FANCL: variants seen among roughly 807,000 people sequenced by gnomAD.
FANCL encodes the protein E3 ubiquitin-protein ligase FANCL.
FANCL carries 69 observed loss-of-function variants against 59.4 expected under a neutral mutation model. That is an observed-to-expected ratio of 1.16 (90% CI 0.96 to 1.42). The LOEUF is 1.42. Ranked by LOEUF, FANCL falls within the 40% of genes most tolerant of loss-of-function variation. The pLI, the probability that FANCL is intolerant of heterozygous loss-of-function variation, is 0.00. For missense variants in FANCL, 519 were observed against 447.2 expected (o/e 1.16, Z -1.45); for synonymous variants, 180 against 147.1 (o/e 1.22, Z -1.62).
intron 7 of FANCL, among the ~76,000 whole-genome samples, chr2:58,197,788 G>A (rs1689574066): frequency 6.6e-6 from 1 of 152,060 alleles, no homozygotes; most frequent in Non-Finnish European, 1.5e-5. Flanking sequence ...AATAAAAATG[G>A]AGTAGAAATG....
At chr2:58,164,053 A>G (rs1445548965) in intron 8 of FANCL, among the ~76,000 whole-genome samples, 2 of 152,040 alleles carry the variant, frequency 1.3e-5, no homozygotes. Flanking sequence ...TAATTTAACA[A>G]AAGATTTCAT....
intron 5 of FANCL, among the ~76,000 whole-genome samples, chr2:58,208,414 A>G (rs1043322127): frequency 5.1e-4 from 77 of 152,310 alleles, no homozygotes; most frequent in African/African-American, 1.9e-3. Flanking sequence ...TTTTTTAAAC[A>G]TTTAAAATGT....
At chr2:58,202,042 T>A (rs766620360) in intron 6 of FANCL, among the ~76,000 whole-genome samples, 83 of 151,840 alleles carry the variant, frequency 5.5e-4, no homozygotes, top group Admixed American at 2.8e-3. Flanking sequence ...AACATACAGT[T>A]AACGTTTCAA....
Position 58,161,596 on chromosome 2 carries a change from C to A in FANCL, c.946G>T (p.Asp316Tyr). Residue 316 changes from aspartate to tyrosine, a missense_variant, in exon 12 of 14, where the codon GAC becomes TAC. Asp to Tyr is a radical substitution (Grantham distance 160). Coordinates refer to ENST00000233741, the MANE Select transcript of FANCL (RefSeq NM_018062.4). ...CACACTTGATCAGGAATGGTACCGT[C>A]AAGTTGATAAGCATAACAAATTCCA... The part of the protein sequence containing the change: ...DCGICYAYQL[D>Y]GTIPDQVCDN... 1 of 1,611,572 alleles carries A rather than the reference C, an allele frequency of 6.2e-7. No homozygotes were observed. The highest frequency in any genetic ancestry group is 8.5e-7 in the Non-Finnish European group (1 of 1,178,104).
At chr2:58,176,086 C>CG (rs1319288631) in intron 7 of FANCL, among the ~76,000 whole-genome samples, 3 of 151,304 alleles carry the variant, frequency 2.0e-5, no homozygotes, top group African/African-American at 7.3e-5. Flanking sequence ...TGTGAAGGAC[C>CG]TCTTCAAGGA....
rs5831491 is a variant in FANCL at position 58,202,239 on chromosome 2, TAAAAA to T, written c.471+1886_471+1890del. 6.9e-4 allele frequency among the ~76,000 whole-genome samples: 73 copies of T among 106,092 alleles called. No individual in the cohort carries two copies. The East Asian group carries it at 8.1e-3, about 12-fold the overall frequency. The allele number at this position is 106,092 out of a possible 152,430, so 69.6% of individuals were successfully genotyped here. On this transcript the variant is annotated intron_variant, in intron 6 of 13. Transcript: ENST00000233741. ...TTTATATATACCTATACCTTTTTCC[TAAAAA>T]AAAAAAAAAAAAAAAAAGACTTCCT...
intron 1 of FANCL, among the ~76,000 whole-genome samples, chr2:58,239,378 G>A (rs1016044259): frequency 6.6e-6 from 1 of 152,124 alleles, no homozygotes; most frequent in African/African-American, 2.4e-5. Context: ...GAATTTAATA[G>A]TGAGGAAATA....
intron 1 of FANCL, among the ~76,000 whole-genome samples, chr2:58,236,857 A>G (rs1694070855): frequency 1.3e-5 from 2 of 152,180 alleles, no homozygotes; most frequent in Admixed American, 6.5e-5. Flanking sequence ...CATTATTACT[A>G]AAGATAAAAA....
intron 5 of FANCL, among the ~76,000 whole-genome samples, chr2:58,209,904 T>TG (rs1690955158): frequency 1.3e-5 from 2 of 152,200 alleles, no homozygotes; most frequent in African/African-American, 4.8e-5. Flanking sequence ...TCTAAGATAG[T>TG]GGGCTTAATC....
chr2:58,176,892 G>A (rs1178616849), intron 7 of FANCL, among the ~76,000 whole-genome samples: 3 of 151,872 alleles, frequency 2.0e-5, no homozygotes, highest in Admixed American at 1.3e-4. Flanking sequence ...CTGACAAAGG[G>A]CTAATATCCA....
At chr2:58,226,163 C>T (rs980921472) in intron 4 of FANCL, among the ~76,000 whole-genome samples, 1 of 151,762 alleles carries the variant, frequency 6.6e-6, no homozygotes, top group African/African-American at 2.4e-5. Flanking sequence ...TTGGTCAGGC[C>T]CAGCAGTATT....
In FANCL at chr2:58,159,665, T is replaced by C. The variant is rs768994925; in HGVS notation, c.*100A>G. ...ATCATCATACCTGTCCTTTTGATGT[T>C]AGTATTTCTTGCTTTATTTTTTCTC... On this transcript the variant is annotated 3_prime_UTR_variant, in exon 14 of 14. Coordinates refer to ENST00000233741, the MANE Select transcript of FANCL (RefSeq NM_018062.4). The C allele has an allele frequency of 5.6e-6, 9 of 1,613,018 alleles. 1 individual carries two copies. Among genetic ancestry groups the C allele is most frequent in the South Asian group, 5.5e-5 (5 of 90,934 alleles).
intron 7 of FANCL, among the ~76,000 whole-genome samples, chr2:58,173,374 G>A (rs907459977): frequency 2.0e-5 from 3 of 152,106 alleles, no homozygotes; most frequent in African/African-American, 7.2e-5. Flanking sequence ...AAATGTTAAG[G>A]GCAGCCAGAG....
At chr2:58,176,454 A>T (rs545537398) in intron 7 of FANCL, among the ~76,000 whole-genome samples, 2 of 152,216 alleles carry the variant, frequency 1.3e-5, no homozygotes, top group African/African-American at 4.8e-5. Context: ...GGAACAGAAC[A>T]GAGCCCTCAG....
intron 7 of FANCL, among the ~76,000 whole-genome samples, chr2:58,176,380 T>C (rs1420413603): frequency 6.6e-6 from 1 of 151,534 alleles, no homozygotes; most frequent in Non-Finnish European, 1.5e-5. Context: ...CTTCAAACTA[T>C]ACTACAAGGC....
intron 6 of FANCL, among the ~76,000 whole-genome samples, chr2:58,201,901 AAATC>A (rs1428100926): frequency 6.6e-6 from 1 of 151,920 alleles, no homozygotes; most frequent in Non-Finnish European, 1.5e-5. Context: ...TATATTTAAA[AAATC>A]AAGTAACAGA....
chr2:58,160,187 T>A lies in FANCL; in HGVS notation c.1021-8A>T. ...TAGTAGTCCTCTCAGCCACTGCAAA[T>A]TTTAAAAGATAAAGGAGAAGCGTCA... is the stretch of plus-strand genomic sequence containing the variant. On this transcript the variant is annotated splice_polypyrimidine_tract_variant and splice_region_variant and intron_variant, in intron 12 of 13. Transcript: ENST00000233741. The A allele has an allele frequency of 1.9e-6, 3 of 1,612,158 alleles. No homozygotes were observed. Among genetic ancestry groups the A allele is most frequent in the Non-Finnish European group, 2.5e-6 (3 of 1,178,472 alleles).
chr2:58,182,538 G>A (rs1204929814), intron 7 of FANCL, among the ~76,000 whole-genome samples: 1 of 151,626 alleles, frequency 6.6e-6, no homozygotes, highest in Non-Finnish European at 1.5e-5. Flanking sequence ...GAATTTTTGA[G>A]GGGTATACAA....
intron 7 of FANCL, among the ~76,000 whole-genome samples, chr2:58,177,729 T>C (rs1248901918): frequency 6.6e-6 from 1 of 151,024 alleles, no homozygotes; most frequent in Non-Finnish European, 1.5e-5. Flanking sequence ...CATGTATACA[T>C]ATGTAAGTAA....
Sources: allele counts gnomAD v4.1 joint callset (sites outside exome capture counted in the v4.1 genomes callset), GRCh38; gene constraint gnomAD v4.1.1; transcripts MANE v1.5; gene names NCBI Gene and HGNC (gene_info 2026-07-23, HGNC 2026-07-21).